The following SDCCAG8 variants were observed in gnomAD, a reference collection of about 807,000 sequenced individuals.
SDCCAG8 encodes the protein serologically defined colon cancer antigen 8.
In SDCCAG8, 74 loss-of-function variants were observed where a neutral mutation model predicts 101.8. That is an observed-to-expected ratio of 0.73 (90% confidence interval 0.60 to 0.88). The LOEUF is 0.88. SDCCAG8 is among the 40% of genes least tolerant of loss of function. SDCCAG8 has a pLI of 0.00. For missense variants in SDCCAG8, 787 were observed against 822.6 expected, an observed-to-expected ratio of 0.96 and a Z score of 0.53; for synonymous variants, 281 against 292.9, an observed-to-expected ratio of 0.96 and a Z score of 0.41.
At chr1:243,407,467 T>G (rs779940182) in intron 13 of SDCCAG8, among the ~76,000 whole-genome samples, 3 of 152,180 alleles carry the variant, frequency 2.0e-5, no homozygotes, top group Non-Finnish European at 4.4e-5. Flanking sequence ...CAAAGGGTGA[T>G]GCGCTAGTAA....
At chr1:243,319,460 G>C (rs2073561934) in intron 9 of SDCCAG8, among the ~76,000 whole-genome samples, 1 of 152,064 alleles carries the variant, frequency 6.6e-6, no homozygotes, top group Non-Finnish European at 1.5e-5. Flanking sequence ...TGTAACCTCA[G>C]CTTCCTGGAA....
chr1:243,498,162 T>A (rs1423892900), intron 17 of SDCCAG8, among the ~76,000 whole-genome samples: 1 of 152,232 alleles, frequency 6.6e-6, no homozygotes, highest in African/African-American at 2.4e-5. Context: ...TTAGCAGGAC[T>A]GTGCTGGGTC....
chr1:243,322,252 G>A (rs1045791411), intron 9 of SDCCAG8, among the ~76,000 whole-genome samples: 3 of 152,288 alleles, frequency 2.0e-5, no homozygotes, highest in African/African-American at 7.2e-5. Context: ...CTGTCTCCTC[G>A]TTCTGCGGCA....
intron 13 of SDCCAG8, among the ~76,000 whole-genome samples, chr1:243,391,801 G>A (rs1434303334): frequency 6.6e-6 from 1 of 152,222 alleles, no homozygotes; most frequent in Non-Finnish European, 1.5e-5. Flanking sequence ...ACAAAATAAA[G>A]AGCAAGTCAC....
rs1485366493 is a variant in SDCCAG8 at position 243,396,095 on chromosome 1, A to G, written c.1616+17232A>G. On this transcript the variant is annotated intron_variant, in intron 13 of 17. Coordinates refer to ENST00000366541, the MANE Select transcript of SDCCAG8 (RefSeq NM_006642.5). ...AAATGATCTTCCATTTTCTTATAAG[A>G]AATTTGAATTGAGTCATTGGTTTGC... 2.0e-5 allele frequency among the ~76,000 whole-genome samples: 3 copies of G among 152,276 alleles called. No homozygotes were observed. In the Middle Eastern group the frequency reaches 0.01, roughly 518 times the overall value.
chr1:243,256,070 A>G lies in SDCCAG8; in HGVS notation c.-104A>G. 9.5e-7 allele frequency: 1 copy of G among 1,055,794 alleles called. No individual in the cohort carries two copies. The highest frequency in any genetic ancestry group is 1.5e-6 in the Non-Finnish European group (1 of 671,062). 65.4% of individuals were successfully genotyped at this position (1,055,794 alleles called of 1,614,324 possible). A position where few individuals can be genotyped will look rare whatever the true frequency, so the allele number is the denominator to read the frequency against. The stretch of plus-strand genomic sequence containing the variant: ...TAGGCTCCCCTGTGACAGCCGCGGC[A>G]GGAAGCAGGCGGGCGCTCCCCGGCC... On this transcript the variant is annotated 5_prime_UTR_variant, in exon 1 of 18. Transcript: ENST00000366541.
At chr1:243,429,248 C>T (rs1301132458) in intron 16 of SDCCAG8, among the ~76,000 whole-genome samples, 1 of 152,098 alleles carries the variant, frequency 6.6e-6, no homozygotes, top group Admixed American at 6.5e-5. Flanking sequence ...AGTATTTTCT[C>T]TTATGATTTT....
intron 12 of SDCCAG8, among the ~76,000 whole-genome samples, chr1:243,366,675 AG>A (rs2147868732): frequency 6.6e-6 from 1 of 152,144 alleles, no homozygotes; most frequent in South Asian, 2.1e-4. Flanking sequence ...TGTAAATTTG[AG>A]GAGGAAATGA....
intron 12 of SDCCAG8, among the ~76,000 whole-genome samples, chr1:243,358,571 T>C (rs2076521847): frequency 6.6e-6 from 1 of 152,172 alleles, no homozygotes; most frequent in Non-Finnish European, 1.5e-5. Context: ...ATGTTCAACA[T>C]AGAGATATCA....
At chr1:243,361,571 C>T (rs2076713432) in intron 12 of SDCCAG8, among the ~76,000 whole-genome samples, 1 of 152,256 alleles carries the variant, frequency 6.6e-6, no homozygotes, top group Non-Finnish European at 1.5e-5. Context: ...TCCCCACTGC[C>T]TGTCTTTCCA....
chr1:243,437,159 G>T (rs1260376406), intron 16 of SDCCAG8, among the ~76,000 whole-genome samples: 3 of 152,154 alleles, frequency 2.0e-5, no homozygotes, highest in African/African-American at 7.2e-5. Context: ...TTTCATTTCT[G>T]TAGTTGTGTT....
chr1:243,256,353 G>T, intron 1 of SDCCAG8, 113 bp downstream of exon 1: 1 of 803,174 alleles, frequency 1.2e-6, no homozygotes, highest in Admixed American at 1.9e-5. Flanking sequence ...ACGCTACAGA[G>T]GAGCAAGATG....
intron 16 of SDCCAG8, 95 bp downstream of exon 16, chr1:243,426,653 C>T: frequency 7.1e-7 from 1 of 1,411,502 alleles, no homozygotes; most frequent in Non-Finnish European, 1.0e-6. Context: ...TAGAATTCAT[C>T]ATCATTATGC....
chr1:243,331,236 A>G (rs900775564), intron 10 of SDCCAG8, among the ~76,000 whole-genome samples: 1 of 152,244 alleles, frequency 6.6e-6, no homozygotes, highest in African/African-American at 2.4e-5. Context: ...AGATAACATG[A>G]AACAAGCAGT....
chr1:243,454,794 G>C (rs1026536897), intron 16 of SDCCAG8, among the ~76,000 whole-genome samples: 1 of 152,068 alleles, frequency 6.6e-6, no homozygotes, highest in Admixed American at 6.6e-5. Context: ...AGAGTGGACC[G>C]TTCACCTGGT....
At chr1:243,398,561 TG>T (rs1259595079) in intron 13 of SDCCAG8, among the ~76,000 whole-genome samples, 1 of 152,208 alleles carries the variant, frequency 6.6e-6, no homozygotes, top group Non-Finnish European at 1.5e-5. Flanking sequence ...TAAAATCGAT[TG>T]GAGTATCCTT....
chr1:243,412,623 T>G (rs1324389788), intron 13 of SDCCAG8, among the ~76,000 whole-genome samples: 1 of 151,938 alleles, frequency 6.6e-6, no homozygotes, highest in Non-Finnish European at 1.5e-5. Context: ...TCATCAGCAA[T>G]CATTAGTATT....
intron 5 of SDCCAG8, among the ~76,000 whole-genome samples, chr1:243,289,802 A>T (rs557265590): frequency 6.6e-6 from 1 of 152,248 alleles, no homozygotes; most frequent in South Asian, 2.1e-4. Flanking sequence ...GTCGACATTG[A>T]ACCAAACCAT....
At chr1:243,476,999 T>TACAC (rs531152514) in intron 16 of SDCCAG8, among the ~76,000 whole-genome samples, 1,048 of 102,278 alleles carry the variant, frequency 0.01, 11 homozygotes, top group African/African-American at 0.029. Flanking sequence ...ACTGGTTCTG[T>TACAC]ACACACACAC....
Sources: allele counts gnomAD v4.1 joint callset (sites outside exome capture counted in the v4.1 genomes callset), GRCh38; gene constraint gnomAD v4.1.1; transcripts MANE v1.5; gene names NCBI Gene and HGNC (gene_info 2026-07-23, HGNC 2026-07-21).